PTPRR: variants seen among roughly 807,000 people sequenced by gnomAD.
PTPRR encodes the protein receptor-type tyrosine-protein phosphatase R.
A neutral mutation model predicts 77.2 loss-of-function variants in PTPRR; 38 were observed. The observed-to-expected ratio is 0.49, with a 90% CI of 0.38 to 0.65. PTPRR has a LOEUF of 0.65. PTPRR is among the 30% of genes least tolerant of loss of function. The pLI, the probability that PTPRR is intolerant of heterozygous loss-of-function variation, is 0.00. For synonymous variants in PTPRR, 299 were observed against 283.1 expected (o/e 1.06, Z -0.57); for missense variants, 744 against 799.2 (o/e 0.93, Z 0.83).
chr12:70,881,443 C>T (rs758949037), intron 2 of PTPRR, among the ~76,000 whole-genome samples: 1 of 152,156 alleles, frequency 6.6e-6, no homozygotes. Flanking sequence ...ATACACACAC[C>T]TCTTCCCACA....
chr12:70,742,548 A>G (rs766128644), intron 6 of PTPRR, among the ~76,000 whole-genome samples: 1 of 152,236 alleles, frequency 6.6e-6, no homozygotes, highest in South Asian at 2.1e-4. Context: ...GCCAAAGGCC[A>G]GATCAGAAAG....
chr12:70,856,724 C>T (rs766049756), intron 2 of PTPRR, among the ~76,000 whole-genome samples: 2 of 144,884 alleles, frequency 1.4e-5, no homozygotes, highest in Admixed American at 1.4e-4. Flanking sequence ...GTTATGATGG[C>T]GAAGAGTATA....
chr12:70,876,639 T>C (rs539233389), intron 2 of PTPRR, among the ~76,000 whole-genome samples: 6 of 152,328 alleles, frequency 3.9e-5, no homozygotes, highest in Admixed American at 3.3e-4. Flanking sequence ...GAGTGTAAGC[T>C]TCAATTACCT....
chr12:70,827,455 A>G (rs1162046230), intron 2 of PTPRR, among the ~76,000 whole-genome samples: 1 of 152,178 alleles, frequency 6.6e-6, no homozygotes, highest in African/African-American at 2.4e-5. Context: ...TTCCTCGTTC[A>G]TAGACAGTTG....
rs151262470 is a variant in PTPRR at position 70,870,176 on chromosome 12, A to G, written c.357+22503T>C. ...AGGACAGTAGCCATCAATCATCTCC[A>G]GTTCTGATCAGACCATTTCCAAAGC... On this transcript the variant is annotated intron_variant, in intron 2 of 13. Coordinates refer to ENST00000283228, the MANE Select transcript of PTPRR (RefSeq NM_002849.4). 3.4e-4 allele frequency among the ~76,000 whole-genome samples: 52 copies of G among 152,284 alleles called. No homozygotes were observed. In the East Asian group the frequency reaches 9.9e-3, roughly 29 times the overall value.
rs1028959272 is a variant in PTPRR at position 70,750,569 on chromosome 12, C to T, written c.738+3622G>A. ...GAAAGATGAGCTTATTTTAGATAATCGCTTTGACATGTCCCTAAACATGAA... is the reference window on the plus strand; with the variant it reads ...GAAAGATGAGCTTATTTTAGATAATTGCTTTGACATGTCCCTAAACATGAA... On this transcript the variant is annotated intron_variant, in intron 5 of 13. Transcript: ENST00000283228. Among the ~76,000 whole-genome samples the T allele has an allele frequency of 5.3e-5, 8 of 152,180 alleles. No individual in the cohort carries two copies. The East Asian group carries it at 7.7e-4, about 15-fold the overall frequency.
chr12:70,851,948 T>C (rs1242640496), intron 2 of PTPRR, among the ~76,000 whole-genome samples: 1 of 152,314 alleles, frequency 6.6e-6, no homozygotes, highest in East Asian at 1.9e-4. Flanking sequence ...TTTTTTCAAA[T>C]ATTTTGTATC....
chr12:70,813,532 A>G (rs1891846786), intron 2 of PTPRR, among the ~76,000 whole-genome samples: 2 of 152,230 alleles, frequency 1.3e-5, no homozygotes, highest in South Asian at 4.1e-4. Flanking sequence ...TTCCACTTGC[A>G]GGTGTCAAAG....
intron 2 of PTPRR, among the ~76,000 whole-genome samples, chr12:70,783,984 G>T (rs560905061): frequency 6.6e-6 from 1 of 152,222 alleles, no homozygotes; most frequent in East Asian, 1.9e-4. Flanking sequence ...TAGAGCGGGT[G>T]CCCGGAGTAG....
intron 2 of PTPRR, among the ~76,000 whole-genome samples, chr12:70,822,209 A>T (rs1389249555): frequency 6.6e-6 from 1 of 152,230 alleles, no homozygotes; most frequent in Non-Finnish European, 1.5e-5. Context: ...AACAGAGAAC[A>T]CAGAAAGTGG....
At chr12:70,741,097 G>C (rs1271667233) in intron 6 of PTPRR, among the ~76,000 whole-genome samples, 1 of 152,138 alleles carries the variant, frequency 6.6e-6, no homozygotes, top group African/African-American at 2.4e-5. Context: ...CCCAGTAACT[G>C]CTGGGAGTTA....
chr12:70,860,333 CTG>C (rs1261434204), intron 2 of PTPRR, among the ~76,000 whole-genome samples: 2 of 152,040 alleles, frequency 1.3e-5, no homozygotes, highest in Non-Finnish European at 2.9e-5. Flanking sequence ...AAATGAAATT[CTG>C]TGTGACATTA....
At chr12:70,868,692 T>C (rs1592803705) in intron 2 of PTPRR, among the ~76,000 whole-genome samples, 1 of 152,198 alleles carries the variant, frequency 6.6e-6, no homozygotes, top group South Asian at 2.1e-4. Context: ...ACTGGGTATA[T>C]ACCCAAAGGA....
chr12:70,661,450 C>T (rs1184337212), intron 11 of PTPRR, among the ~76,000 whole-genome samples: 1 of 152,042 alleles, frequency 6.6e-6, no homozygotes, highest in Non-Finnish European at 1.5e-5. Context: ...TATTTTGTTT[C>T]CTGCTCTATG....
At chr12:70,758,932 C>CTTGTTGTTG (rs10680609) in intron 4 of PTPRR, among the ~76,000 whole-genome samples, 6 of 150,676 alleles carry the variant, frequency 4.0e-5, no homozygotes, top group Admixed American at 2.6e-4. Context: ...GCTATTTGCT[C>CTTGTTGTTG]TTGTTGTTGT....
At chr12:70,878,205 CTA>C (rs1227480576) in intron 2 of PTPRR, among the ~76,000 whole-genome samples, 1 of 152,152 alleles carries the variant, frequency 6.6e-6, no homozygotes, top group African/African-American at 2.4e-5. Flanking sequence ...GACTTCATGA[CTA>C]AAACACCAAA....
At chr12:70,918,979 T>C (rs1390168986) in intron 1 of PTPRR, among the ~76,000 whole-genome samples, 1 of 152,218 alleles carries the variant, frequency 6.6e-6, no homozygotes, top group East Asian at 1.9e-4. Flanking sequence ...CAAAGAACTA[T>C]TGAAAACTCC....
At chr12:70,857,790 G>A (rs1297120539) in intron 2 of PTPRR, among the ~76,000 whole-genome samples, 1 of 152,098 alleles carries the variant, frequency 6.6e-6, no homozygotes, top group Non-Finnish European at 1.5e-5. Context: ...AAGAATATAT[G>A]CATAACTTAG....
At chr12:70,718,267 T>C (rs1889107627) in intron 6 of PTPRR, among the ~76,000 whole-genome samples, 1 of 150,628 alleles carries the variant, frequency 6.6e-6, no homozygotes, top group Non-Finnish European at 1.5e-5. Context: ...CATGGTCCAC[T>C]GTTTTTTTTT....
Sources: gnomAD v4.1 joint callset for allele counts (sites outside exome capture counted in the v4.1 genomes callset) on GRCh38, gnomAD v4.1.1 for gene constraint, MANE v1.5 for transcripts, NCBI Gene and HGNC (gene_info 2026-07-23, HGNC 2026-07-21) for gene names.